The following NLRP1 variants were observed in gnomAD, a reference collection of about 807,000 sequenced individuals.
The protein encoded by NLRP1 is NACHT, LRR and PYD domains-containing protein 1.
Under a neutral mutation model 136.7 loss-of-function variants are expected in NLRP1, and 94 were observed. The observed-to-expected ratio is 0.69, with a 90% CI of 0.58 to 0.82. NLRP1 has a LOEUF of 0.82. NLRP1 is among the 40% of genes least tolerant of loss of function. The pLI, the probability that NLRP1 is intolerant of heterozygous loss-of-function variation, is 0.00. For synonymous variants in NLRP1, 690 were observed against 725.1 expected, an observed-to-expected ratio of 0.95 and a Z score of 0.78; for missense variants, 1,575 against 1,802.7, an observed-to-expected ratio of 0.87 and a Z score of 2.29.
At chr17:5,548,408 T>C (rs145477566) in intron 5 of NLRP1, among the ~76,000 whole-genome samples, 1 of 152,302 alleles carries the variant, frequency 6.6e-6, no homozygotes, top group African/African-American at 2.4e-5. Context: ...CCTCTGAGGA[T>C]AGAGAGCCAT....
At chr17:5,561,468 G>C (rs1914746406) in intron 3 of NLRP1, among the ~76,000 whole-genome samples, 1 of 31,090 alleles carries the variant, frequency 3.2e-5, no homozygotes, top group Admixed American at 4.3e-4. Flanking sequence ...ACGGAGTCTC[G>C]CTCTGTCGCC....
intron 5 of NLRP1, among the ~76,000 whole-genome samples, chr17:5,548,680 G>C (rs12941416): frequency 0.047 from 7,186 of 152,148 alleles, 197 homozygotes; most frequent in Middle Eastern, 0.085. Flanking sequence ...GCCACATAAG[G>C]TACTTCTGCT....
intron 5 of NLRP1, among the ~76,000 whole-genome samples, chr17:5,549,529 C>T (rs1013235554): frequency 6.6e-6 from 1 of 152,218 alleles, no homozygotes; most frequent in Non-Finnish European, 1.5e-5. Flanking sequence ...ATCCACCCAC[C>T]TCAGCCTCCC....
chr17:5,564,809 C>T (rs563092217), intron 3 of NLRP1, among the ~76,000 whole-genome samples: 1 of 139,228 alleles, frequency 7.2e-6, no homozygotes, highest in South Asian at 2.3e-4. Flanking sequence ...GCAATCTTGG[C>T]TCACTGCAAG....
intron 12 of NLRP1, among the ~76,000 whole-genome samples, chr17:5,529,400 C>T (rs1177524322): frequency 6.7e-5 from 10 of 149,360 alleles, no homozygotes; most frequent in African/African-American, 2.5e-4. Flanking sequence ...CAGAGTCTCG[C>T]TCTGTGGCCC....
rs3744718 is a variant in NLRP1, at chr17:5,559,485, C to T, written c.1211G>A (p.Arg404Gln). The change falls in exon 4 of 17, where the codon CGG becomes CAG. Residue 404 changes from arginine to glutamine, a missense_variant. By Grantham distance (43) the Arg-to-Gln change is conservative. Coordinates refer to ENST00000572272, the MANE Select transcript of NLRP1 (RefSeq NM_033004.4). Reference protein sequence around the residue: ...PIRQILSRPERLLFILDGVDE... With the variant: ...PIRQILSRPEQLLFILDGVDE... ...TACACCATCGAGGATGAAGAGCAGC[C>T]GCTCTGGCCTAGACAGGATCTGTCT... The T allele has an allele frequency of 1.4e-3, 2,222 of 1,614,216 alleles. 47 individuals are homozygous for T. The East Asian group carries it at 0.037, about 27-fold the overall frequency.
chr17:5,563,893 GA>G (rs1466139976), intron 3 of NLRP1, among the ~76,000 whole-genome samples: 10 of 152,206 alleles, frequency 6.6e-5, no homozygotes, highest in Admixed American at 6.5e-4. Flanking sequence ...GCTAGACACA[GA>G]AGGGGCAGGT....
At chr17:5,563,670 T>C (rs1347083830) in intron 3 of NLRP1, among the ~76,000 whole-genome samples, 1 of 152,222 alleles carries the variant, frequency 6.6e-6, no homozygotes, top group Non-Finnish European at 1.5e-5. Context: ...TGAAAGAGCA[T>C]GAGAAAGCCA....
intron 2 of NLRP1, 73 bp downstream of exon 2, chr17:5,582,597 A>G (rs1905799773): frequency 1.4e-6 from 2 of 1,439,748 alleles, no homozygotes; most frequent in South Asian, 2.4e-5. Flanking sequence ...CACAGACATG[A>G]TCCTCTGGGT....
chr17:5,501,397 G>T, downstream of NLRP1: 1 of 162,828 alleles, frequency 6.1e-6, no homozygotes, highest in South Asian at 1.5e-4. Flanking sequence ...TTTATTGTGT[G>T]GTCTGTTTTA....
rs1001005105 is a variant in NLRP1 at position 5,504,914 on chromosome 17, A to C, written c.4070-3042T>G. Reference sequence around the variant, plus strand: ...CGAAGTGTTCATGCCCAGCTGAGGAAACAGGCTTTGGTGGTGGTGGTGGTG... The same window carrying C: ...CGAAGTGTTCATGCCCAGCTGAGGACACAGGCTTTGGTGGTGGTGGTGGTG... On this transcript the variant is annotated intron_variant, in intron 15 of 15. Coordinates refer to the NLRP1 transcript ENST00000262467. This position sits in a 1 kb window ranked among gnomAD's most constrained non-coding sequence, Gnocchi z 4.4. 6.5e-6 allele frequency: 1 copy of C among 153,636 alleles called. No individual in the cohort carries two copies. Among genetic ancestry groups the C allele is most frequent in the Admixed American group, 6.5e-5 (1 of 15,268 alleles). The allele number at this position is 153,636 out of a possible 1,614,324, so 9.5% of individuals were successfully genotyped here.
chr17:5,511,057 C>T (rs888136699), downstream of NLRP1, among the ~76,000 whole-genome samples: 6 of 152,128 alleles, frequency 3.9e-5, no homozygotes, highest in African/African-American at 1.2e-4. Context: ...TTCAAGATCA[C>T]ACATCTAATG....
At chr17:5,535,137 T>G (rs951768864) in intron 8 of NLRP1, among the ~76,000 whole-genome samples, 3 of 152,088 alleles carry the variant, frequency 2.0e-5, no homozygotes, top group African/African-American at 7.2e-5. Flanking sequence ...TAAGAATGGT[T>G]TGAACCTGGG....
At chr17:5,517,357 C>T (rs534699159) in intron 15 of NLRP1, among the ~76,000 whole-genome samples, 1 of 89,458 alleles carries the variant, frequency 1.1e-5, no homozygotes, top group Non-Finnish European at 2.6e-5. Flanking sequence ...TGCACCCCCC[C>T]CCCTCCCACA....
Position 5,521,611 on chromosome 17 carries a change from G to A in NLRP1, c.3696C>T (p.Thr1232=), listed in dbSNP as rs772915076. The A allele has an allele frequency of 1.6e-5, 26 of 1,614,048 alleles. No homozygotes were observed. The highest frequency in any genetic ancestry group is 2.2e-5 in the Non-Finnish European group (26 of 1,180,042). The change falls in exon 13 of 17, where the codon ACC becomes ACT. Residue 1232 remains threonine, a synonymous_variant. Coordinates refer to ENST00000572272, the MANE Select transcript of NLRP1 (RefSeq NM_033004.4). ...IHNALRFIPV[T]SVVLLYHRVH... Reference sequence around the variant, plus strand: ...CGCGGTGGTAAAGCAACACCACAGAGGTGACGGGAATGAAGCGCAGGGCAT... The same window carrying A: ...CGCGGTGGTAAAGCAACACCACAGAAGTGACGGGAATGAAGCGCAGGGCAT...
intron 3 of NLRP1, among the ~76,000 whole-genome samples, chr17:5,565,377 G>C (rs1047292238): frequency 6.6e-6 from 1 of 152,050 alleles, no homozygotes; most frequent in African/African-American, 2.4e-5. Context: ...ATATATTCTG[G>C]TTATTAATCC....
At chr17:5,512,377 C>T (rs1907697068), downstream of NLRP1, 3 of 1,156,474 alleles carry the variant, frequency 2.6e-6, no homozygotes, top group South Asian at 3.6e-5. Context: ...TGTGGACCCA[C>T]ACTTGTAACA....
Position 5,559,055 on chromosome 17 carries a change from G to T in NLRP1, c.1641C>A (p.Thr547=), listed in dbSNP as rs199641006. 1.2e-6 allele frequency: 2 copies of T among 1,614,118 alleles called. No individual in the cohort carries two copies. Among genetic ancestry groups the T allele is most frequent in the South Asian group, 2.2e-5 (2 of 91,066 alleles). The part of the protein sequence containing the change: ...KEKLTLTSKT[T]TTLCLHYLAQ... ...CAAGGTAATGTAGACAGAGGGTTGTGGTGGTCTTGGAAGTCAGTGTGAGTT... is the reference window on the plus strand; with the variant it reads ...CAAGGTAATGTAGACAGAGGGTTGTTGTGGTCTTGGAAGTCAGTGTGAGTT... The change falls in exon 4 of 17, where the codon ACC becomes ACA. Residue 547 remains threonine, a synonymous_variant. Transcript: ENST00000572272.
At chr17:5,526,523 G>C (rs576570898) in intron 12 of NLRP1, among the ~76,000 whole-genome samples, 1 of 152,294 alleles carries the variant, frequency 6.6e-6, no homozygotes, top group African/African-American at 2.4e-5. Flanking sequence ...GCAGCACAGA[G>C]AGGAGCAAGT....
Sources: allele counts gnomAD v4.1 joint callset (sites outside exome capture counted in the v4.1 genomes callset), GRCh38; gene constraint gnomAD v4.1.1; non-coding constraint Gnocchi (gnomAD v3.1); transcripts MANE v1.5; gene names NCBI Gene and HGNC (gene_info 2026-07-23, HGNC 2026-07-21).